URI1: variants seen among roughly 807,000 people sequenced by gnomAD.
The protein encoded by URI1 is URI1 prefoldin like chaperone, also known as unconventional prefoldin RPB5 interactor 1.
A neutral mutation model predicts 60.2 loss-of-function variants in URI1; 39 were observed. That is an observed-to-expected ratio of 0.65 (90% confidence interval 0.50 to 0.85). The LOEUF (loss-of-function observed/expected upper bound fraction) is 0.85, where lower values mean the gene tolerates loss of function less well. Among genes scored for constraint, URI1 ranks in the 40% least tolerant of loss-of-function variants. The pLI, the probability that URI1 is intolerant of heterozygous loss-of-function variation, is 0.00. For missense variants in URI1, 691 were observed against 665.9 expected, an observed-to-expected ratio of 1.04 and a Z score of -0.42; for synonymous variants, 251 against 236.8, an observed-to-expected ratio of 1.06 and a Z score of -0.55.
intron 1 of URI1, among the ~76,000 whole-genome samples, chr19:29,958,734 CG>C (rs1336793636): frequency 4.0e-5 from 6 of 151,526 alleles, no homozygotes; most frequent in Non-Finnish European, 8.8e-5. Flanking sequence ...CTGAGGTGGG[CG>C]GATCACGTGA....
At chr19:29,959,849 TTC>T (rs150935263) in intron 1 of URI1, among the ~76,000 whole-genome samples, 1 of 152,136 alleles carries the variant, frequency 6.6e-6, no homozygotes, top group South Asian at 2.1e-4. Flanking sequence ...TACTGATTTC[TTC>T]TCTCTTTTTT....
chr19:29,995,867 C>G (rs1329742236), intron 4 of URI1, among the ~76,000 whole-genome samples: 1 of 152,014 alleles, frequency 6.6e-6, no homozygotes, highest in Non-Finnish European at 1.5e-5. Context: ...AAACACTGTC[C>G]TTACCTTTTT....
chr19:30,002,524 C>T (rs954645244), intron 4 of URI1, among the ~76,000 whole-genome samples: 2 of 151,930 alleles, frequency 1.3e-5, no homozygotes, highest in African/African-American at 2.4e-5. Context: ...ATTTAACCTG[C>T]AGCCTGGTTT....
intron 2 of URI1, among the ~76,000 whole-genome samples, chr19:29,981,112 GATTTTT>G (rs2055592403): frequency 6.7e-6 from 1 of 150,146 alleles, no homozygotes; most frequent in African/African-American, 2.4e-5. Flanking sequence ...TTTTAATAGA[GATTTTT>G]ATTTTTGTCA....
chr19:29,966,711 T>C (rs902755630), intron 1 of URI1, among the ~76,000 whole-genome samples: 1 of 152,244 alleles, frequency 6.6e-6, no homozygotes, highest in Non-Finnish European at 1.5e-5. Context: ...ATCCATTGGC[T>C]TCAGCTCCCA....
Position 29,984,989 on chromosome 19 carries a change from G to A in URI1, c.153-234G>A, listed in dbSNP as rs540580917. ...ACAAAAACTAGCCTTGCATGGTGGCGCACACTTGTAATCCCAGCTACTCAG... is the reference window on the plus strand; with the variant it reads ...ACAAAAACTAGCCTTGCATGGTGGCACACACTTGTAATCCCAGCTACTCAG... On this transcript the variant is annotated intron_variant, in intron 2 of 10. Coordinates refer to ENST00000392271, the MANE Select transcript of URI1 (RefSeq NM_003796.3). 5.7e-4 allele frequency among the ~76,000 whole-genome samples: 86 copies of A among 151,314 alleles called. 2 individuals are homozygous for A. Among genetic ancestry groups the A allele is most frequent in the Admixed American group, 2.4e-3 (36 of 15,216 alleles).
chr19:30,004,396 T>C (rs1347006530), intron 4 of URI1: 1 of 152,052 alleles, frequency 6.6e-6, no homozygotes, highest in East Asian at 1.9e-4. Context: ...ATTTTCATTC[T>C]TTTAAAAGAT....
intron 1 of URI1, among the ~76,000 whole-genome samples, chr19:29,955,928 G>T (rs1045177159): frequency 1.3e-5 from 2 of 151,944 alleles, no homozygotes; most frequent in African/African-American, 4.8e-5. Context: ...GTAATTCCTG[G>T]CTGGCCTTGG....
intron 1 of URI1, among the ~76,000 whole-genome samples, chr19:29,960,200 G>A (rs1437194634): frequency 1.3e-5 from 2 of 151,894 alleles, no homozygotes; most frequent in Non-Finnish European, 2.9e-5. Context: ...TTGACCTAAT[G>A]TTTTCTTTTT....
At chr19:29,931,182 T>C (rs1485009705) in intron 1 of URI1, among the ~76,000 whole-genome samples, 1 of 152,178 alleles carries the variant, frequency 6.6e-6, no homozygotes, top group Non-Finnish European at 1.5e-5. Context: ...TGGGATTGGA[T>C]AGGAATTGCA....
At chr19:29,944,152 T>TATATATATATAG (rs1276898483) in intron 1 of URI1, among the ~76,000 whole-genome samples, 2 of 45,792 alleles carry the variant, frequency 4.4e-5, no homozygotes, top group African/African-American at 2.8e-4. Flanking sequence ...TATATATATA[T>TATATATATATAG]ATATATATAT....
intron 1 of URI1, among the ~76,000 whole-genome samples, chr19:29,927,327 A>C (rs11883022): frequency 0.025 from 3,679 of 148,720 alleles, 159 homozygotes; most frequent in African/African-American, 0.087. Flanking sequence ...GCAGTGGTGC[A>C]ATCTCGGCTC....
intron 6 of URI1, among the ~76,000 whole-genome samples, chr19:30,006,332 A>G (rs766996134): frequency 1.3e-5 from 2 of 152,272 alleles, no homozygotes; most frequent in Admixed American, 1.3e-4. Context: ...TTGCTACTGT[A>G]GAAGACTGTA....
intron 4 of URI1, among the ~76,000 whole-genome samples, chr19:29,993,391 C>T (rs536114405): frequency 5.3e-5 from 8 of 152,150 alleles, no homozygotes; most frequent in Non-Finnish European, 1.0e-4. Flanking sequence ...CACATAGGCA[C>T]GTTACTTAGA....
chr19:29,979,504 A>G lies in URI1; in HGVS notation c.153-5719A>G, dbSNP rs116899183. ...TGTGTATGGTTGTTGTAGAGAGAAC[A>G]GTAGAACAGATTTTTCTGTCCAGGC... On this transcript the variant is annotated intron_variant, in intron 2 of 10. Coordinates refer to ENST00000392271, the MANE Select transcript of URI1 (RefSeq NM_003796.3). 7.5e-4 allele frequency among the ~76,000 whole-genome samples: 114 copies of G among 152,336 alleles called. 2 individuals carry two copies. In the East Asian group the frequency reaches 0.019, roughly 25 times the overall value.
chr19:29,974,769 T>C (rs1354672300), intron 2 of URI1, among the ~76,000 whole-genome samples: 1 of 152,180 alleles, frequency 6.6e-6, no homozygotes, highest in African/African-American at 2.4e-5. Context: ...CCCCAGTGTT[T>C]ATTTGTTCCC....
intron 4 of URI1, among the ~76,000 whole-genome samples, chr19:29,995,676 T>G (rs1021067845): frequency 2.6e-5 from 4 of 152,092 alleles, no homozygotes; most frequent in African/African-American, 4.8e-5. Flanking sequence ...ATGCTTTTCA[T>G]GTCATATCTA....
chr19:29,971,448 T>A (rs2055458742), intron 2 of URI1, among the ~76,000 whole-genome samples: 1 of 151,822 alleles, frequency 6.6e-6, no homozygotes, highest in South Asian at 2.1e-4. Context: ...TTACCACTTG[T>A]ATTTATTCTA....
chr19:29,941,585 C>G (rs1204753207), upstream of URI1, among the ~76,000 whole-genome samples: 1 of 150,318 alleles, frequency 6.7e-6, no homozygotes, highest in East Asian at 1.9e-4. Flanking sequence ...GGCACTACTG[C>G]ACTCCAGCCC....
Sources: gnomAD v4.1 joint callset for allele counts (sites outside exome capture counted in the v4.1 genomes callset) on GRCh38, gnomAD v4.1.1 for gene constraint, MANE v1.5 for transcripts, NCBI Gene and HGNC (gene_info 2026-07-23, HGNC 2026-07-21) for gene names.